UBAC1: variants seen among roughly 807,000 people sequenced by gnomAD.
The protein encoded by UBAC1 is ubiquitin-associated domain-containing protein 1.
A neutral mutation model predicts 45.9 loss-of-function variants in UBAC1; 27 were observed. That is an observed-to-expected ratio of 0.59 (90% CI 0.43 to 0.81). The LOEUF (loss-of-function observed/expected upper bound fraction) is 0.81. Ranked by LOEUF, UBAC1 falls within the 30% of genes least tolerant of loss-of-function variation. The probability of loss-of-function intolerance (pLI) is 0.00; values close to 1 mark genes in which losing one functional copy is unlikely to be tolerated. For synonymous variants in UBAC1, 227 were observed against 215.5 expected (o/e 1.05, Z -0.47); for missense variants, 529 against 539.2 (o/e 0.98, Z 0.19).
chr9:135,953,644 C>T (rs1839432594), intron 3 of UBAC1, 36 bp downstream of exon 3: 1 of 1,586,868 alleles, frequency 6.3e-7, no homozygotes, highest in Non-Finnish European at 8.6e-7. Flanking sequence ...AGACTTCTAC[C>T]AACCAAGGTC....
intron 4 of UBAC1, among the ~76,000 whole-genome samples, chr9:135,947,218 T>A (rs988868706): frequency 1.3e-5 from 2 of 151,916 alleles, no homozygotes; most frequent in African/African-American, 4.8e-5. Flanking sequence ...CTTAGAATGT[T>A]CTGACCCAAA....
At chr9:135,960,697 CT>C (rs140986243) in intron 1 of UBAC1, among the ~76,000 whole-genome samples, 20,854 of 152,298 alleles carry the variant, frequency 0.14, 1,765 homozygotes, top group South Asian at 0.26. Flanking sequence ...CGATCTGCCC[CT>C]ACCTCCCTGC....
intron 3 of UBAC1, among the ~76,000 whole-genome samples, chr9:135,950,672 G>T (rs1241847931): frequency 6.6e-6 from 1 of 152,208 alleles, no homozygotes. Flanking sequence ...CCTCAAGGGA[G>T]GAGAGAGGGA....
intron 3 of UBAC1, among the ~76,000 whole-genome samples, chr9:135,953,077 C>T (rs867341330): frequency 6.6e-6 from 1 of 152,172 alleles, no homozygotes; most frequent in African/African-American, 2.4e-5. Context: ...CGGACAGCAG[C>T]GCGGGAGTGA....
intron 1 of UBAC1, among the ~76,000 whole-genome samples, chr9:135,958,009 C>T (rs139792544): frequency 6.7e-5 from 10 of 149,172 alleles, no homozygotes; most frequent in East Asian, 2.0e-4. Context: ...TGAATGTTTA[C>T]GACACACCAA....
Position 135,961,147 on chromosome 9 carries a change from C to G in UBAC1, c.16G>C (p.Glu6Gln). 1 of 1,575,506 alleles carries G rather than the reference C, an allele frequency of 6.3e-7. No individual in the cohort carries two copies. The highest frequency in any genetic ancestry group is 8.6e-7 in the Non-Finnish European group (1 of 1,167,374). MFVQE[E>Q]KIFAGKVLRL... ...AGCACCTTGCCCGCGAAGATCTTCT[C>G]CTCCTGCACGAACATCCCGCCGCCG... The change falls in exon 1 of 10, where the codon GAG (glutamate) becomes CAG (glutamine). Residue 6 changes from glutamate to glutamine, a missense_variant. Coordinates refer to ENST00000371756, the MANE Select transcript of UBAC1 (RefSeq NM_016172.3).
chr9:135,952,749 G>T (rs930282747), intron 3 of UBAC1, among the ~76,000 whole-genome samples: 3 of 152,212 alleles, frequency 2.0e-5, no homozygotes, highest in Admixed American at 6.5e-5. Context: ...CGGATTTCGG[G>T]TTTTTTCAGA....
Position 135,933,720 on chromosome 9 carries a change from CAG to C in UBAC1, c.1103-207_1103-206del, listed in dbSNP as rs1056856160. Among the ~76,000 whole-genome samples, 12 of 152,322 alleles carry C rather than the reference CAG, an allele frequency of 7.9e-5. No homozygotes were observed. The East Asian group carries it at 2.1e-3, about 27-fold the overall frequency. On this transcript the variant is annotated intron_variant, in intron 9 of 9. Coordinates refer to ENST00000371756, the MANE Select transcript of UBAC1 (RefSeq NM_016172.3). The stretch of plus-strand genomic sequence containing the variant: ...GCACCCATCAAATCAGATCTGATCA[CAG>C]AGAGTCATGCACTCAATTCTGGCAG...
intron 7 of UBAC1, among the ~76,000 whole-genome samples, chr9:135,943,164 A>T (rs529099564): frequency 5.9e-5 from 9 of 152,318 alleles, no homozygotes; most frequent in African/African-American, 2.2e-4. Context: ...TCACACCTGT[A>T]ATCCCAGCAC....
rs1159082949 is a variant in UBAC1, at chr9:135,944,990, C to T, written c.876+38G>A. The T allele has an allele frequency of 3.8e-6, 6 of 1,581,694 alleles. No individual in the cohort carries two copies. In the East Asian group the frequency reaches 9.1e-5, roughly 24 times the overall value. ...CATGGCGCCACCTCAAGGGAAGACA[C>T]AGCGACTCTGCCTGGCGACAGGTCT... On this transcript the variant is annotated intron_variant, in intron 7 of 9. Coordinates refer to ENST00000371756, the MANE Select transcript of UBAC1 (RefSeq NM_016172.3).
chr9:135,939,612 T>TCAC, intron 8 of UBAC1, 61 bp downstream of exon 8: 1 of 1,517,944 alleles, frequency 6.6e-7, no homozygotes, highest in East Asian at 2.3e-5. Context: ...CAGCCCACAC[T>TCAC]TACCACAGCC....
At chr9:135,960,045 A>G (rs577929885) in intron 1 of UBAC1, among the ~76,000 whole-genome samples, 3 of 152,340 alleles carry the variant, frequency 2.0e-5, no homozygotes, top group African/African-American at 7.2e-5. Context: ...TAAGAACTGA[A>G]GTTTATCCTT....
intron 1 of UBAC1, among the ~76,000 whole-genome samples, chr9:135,957,586 G>A: frequency 6.6e-6 from 1 of 151,712 alleles, no homozygotes; most frequent in Non-Finnish European, 1.5e-5. Context: ...GCTGGAGTAG[G>A]GAGGCCCTCA....
At chr9:135,955,152 G>T (rs1839451293) in intron 2 of UBAC1, 143 bp downstream of exon 2, 3 of 861,132 alleles carry the variant, frequency 3.5e-6, no homozygotes, top group Non-Finnish European at 4.9e-6. Context: ...AGGAAAAACA[G>T]AATGCTTTTA....
At position 135,961,088 on chromosome 9, in the gene UBAC1, C is replaced by T; in HGVS notation, c.75G>A (p.Glu25=). The T allele has an allele frequency of 1.3e-6, 2 of 1,586,458 alleles. No individual in the cohort carries two copies. ...TGTCCTCGGTGGCCTCCTCCAGCCA[C>T]TCGGCGCCGTCGGACGCGCAGATGT... The part of the protein sequence containing the change: ...RLHICASDGA[E]WLEEATEDTS... Residue 25 remains glutamate (E), a synonymous_variant, in exon 1 of 10, where the codon GAG becomes GAA. Coordinates refer to ENST00000371756, the MANE Select transcript of UBAC1 (RefSeq NM_016172.3).
intron 1 of UBAC1, among the ~76,000 whole-genome samples, chr9:135,956,466 T>C (rs1267038759): frequency 1.3e-5 from 2 of 152,132 alleles, no homozygotes; most frequent in Admixed American, 1.3e-4. Flanking sequence ...ACACTGATGG[T>C]GCCGTGTGAT....
chr9:135,947,116 G>A (rs1839346883), intron 4 of UBAC1, among the ~76,000 whole-genome samples: 1 of 152,182 alleles, frequency 6.6e-6, no homozygotes, highest in Non-Finnish European at 1.5e-5. Context: ...GATGAAGTTG[G>A]AAGCCAGCCG....
intron 7 of UBAC1, among the ~76,000 whole-genome samples, chr9:135,940,453 G>A (rs550984429): frequency 2.1e-4 from 32 of 151,674 alleles, no homozygotes; most frequent in Middle Eastern, 3.4e-3. Context: ...GGTGGCAGGC[G>A]CCTGTAGTCC....
chr9:135,961,163 C>CCCG lies in UBAC1; in HGVS notation c.-4_-2dup, dbSNP rs1386936226. 5 of 1,547,212 alleles carry CCCG rather than the reference C, an allele frequency of 3.2e-6. No individual in the cohort carries two copies. The African/African-American group carries it at 5.7e-5, about 18-fold the overall frequency. On this transcript the variant is annotated 5_prime_UTR_variant, in exon 1 of 10. Transcript: ENST00000371756. ...AGATCTTCTCCTCCTGCACGAACAT[C>CCCG]CCGCCGCCGCCGCAGGGGCCTGCGC...
Sources: allele counts gnomAD v4.1 joint callset (sites outside exome capture counted in the v4.1 genomes callset), GRCh38; gene constraint gnomAD v4.1.1; transcripts MANE v1.5; gene names NCBI Gene and HGNC (gene_info 2026-07-23, HGNC 2026-07-21).